The following BACH2 variants were observed in gnomAD, a reference collection of about 807,000 sequenced individuals.
BACH2 encodes transcription regulator protein BACH2.
A neutral mutation model predicts 61.8 loss-of-function variants in BACH2; 5 were observed. The observed-to-expected ratio is 0.08, with a 90% CI of 0.04 to 0.17. The LOEUF is 0.17. Ranked by LOEUF, BACH2 falls within the 10% of genes least tolerant of loss-of-function variation. BACH2 has a pLI of 1.00. For synonymous variants in BACH2, 446 were observed against 440.1 expected (o/e 1.01, Z -0.17); for missense variants, 824 against 1,091.1 (o/e 0.76, Z 3.45).
intron 3 of BACH2, among the ~76,000 whole-genome samples, chr6:90,245,179 A>C (rs1226171990): frequency 6.6e-6 from 1 of 152,060 alleles, no homozygotes; most frequent in Admixed American, 6.6e-5. Flanking sequence ...TGCCTGGGTG[A>C]CAGAGTGAGA....
chr6:90,167,208 G>A (rs924921189), intron 4 of BACH2, among the ~76,000 whole-genome samples: 3 of 152,188 alleles, frequency 2.0e-5, no homozygotes, highest in Admixed American at 1.3e-4. Flanking sequence ...GTAGAGTGAA[G>A]CTATGTGGTA....
In BACH2 at chr6:90,262,330, G is replaced by A. The variant is rs967889310; in HGVS notation, c.-353+9519C>T. Among the ~76,000 whole-genome samples the A allele has an allele frequency of 3.9e-5, 6 of 152,270 alleles. No homozygotes were observed. The South Asian group carries it at 6.2e-4, about 16-fold the overall frequency. On this transcript the variant is annotated intron_variant, in intron 2 of 8. Coordinates refer to ENST00000257749, the MANE Select transcript of BACH2 (RefSeq NM_021813.4). ...TGCATTCTTTCAATGTTTGGTTTGG[G>A]ATTCATTTGTACAGCGATGACTTTT...
At chr6:90,090,236 C>A (rs1782105764) in intron 4 of BACH2, among the ~76,000 whole-genome samples, 1 of 151,932 alleles carries the variant, frequency 6.6e-6, no homozygotes, top group Non-Finnish European at 1.5e-5. Context: ...GTATTTATTT[C>A]CCTCATTTTT....
At chr6:90,104,021 G>A (rs369682750) in intron 4 of BACH2, among the ~76,000 whole-genome samples, 11 of 152,078 alleles carry the variant, frequency 7.2e-5, no homozygotes, top group African/African-American at 2.7e-4. Context: ...GCAAAGAGGG[G>A]GCCAAATGCA....
chr6:89,950,855 C>T lies in BACH2; in HGVS notation c.1251G>A (p.Glu417=). The T allele has an allele frequency of 6.2e-7, 1 of 1,612,790 alleles. No individual in the cohort carries two copies. The highest frequency in any genetic ancestry group is 8.5e-7 in the Non-Finnish European group (1 of 1,179,236). The part of the protein sequence containing the change: ...MGSPLRGPGL[E]ALCKQEGELD... The stretch of plus-strand genomic sequence containing the variant: ...GCTCTCCCTCCTGTTTACAGAGAGC[C>T]TCCAACCCAGGCCCCCTGAGGGGCG... The change falls in exon 7 of 9, where the codon GAG becomes GAA. Residue 417 remains glutamate (E), a synonymous_variant. Coordinates refer to ENST00000257749, the MANE Select transcript of BACH2 (RefSeq NM_021813.4). This position sits in a 1 kb window ranked among gnomAD's most constrained non-coding sequence, Gnocchi z 5.3.
At chr6:90,076,497 C>T (rs1012164766) in intron 5 of BACH2, among the ~76,000 whole-genome samples, 3 of 152,110 alleles carry the variant, frequency 2.0e-5, no homozygotes, top group South Asian at 4.1e-4. Flanking sequence ...AACTAATTAG[C>T]GAAGGAGAAT....
intron 7 of BACH2, among the ~76,000 whole-genome samples, chr6:89,942,527 T>G (rs2128354834): frequency 6.6e-6 from 1 of 152,286 alleles, no homozygotes; most frequent in South Asian, 2.1e-4. Context: ...GGATCTCACT[T>G]CCCAGCAGTG....
At chr6:90,113,596 A>C (rs1479865821) in intron 4 of BACH2, among the ~76,000 whole-genome samples, 4 of 152,196 alleles carry the variant, frequency 2.6e-5, no homozygotes, top group Non-Finnish European at 2.9e-5. Context: ...CAGTGTTAAG[A>C]GGGAAATTCA....
chr6:90,151,584 T>C (rs1376866780), intron 4 of BACH2, among the ~76,000 whole-genome samples: 1 of 152,176 alleles, frequency 6.6e-6, no homozygotes, highest in Non-Finnish European at 1.5e-5. Flanking sequence ...AGCCACCACA[T>C]CTAGCCTCTG....
intron 4 of BACH2, among the ~76,000 whole-genome samples, chr6:90,161,616 CA>C (rs1257253841): frequency 1.3e-5 from 2 of 152,166 alleles, no homozygotes; most frequent in African/African-American, 4.8e-5. Context: ...GAAAGTCATT[CA>C]AGGTCTCACT....
chr6:90,157,638 T>C (rs984332485), intron 4 of BACH2, among the ~76,000 whole-genome samples: 8 of 152,096 alleles, frequency 5.3e-5, no homozygotes, highest in African/African-American at 1.4e-4. Context: ...CCAGATCTTG[T>C]ATATCTAACA....
chr6:90,229,189 T>G (rs1770011803), intron 3 of BACH2, among the ~76,000 whole-genome samples: 1 of 152,222 alleles, frequency 6.6e-6, no homozygotes, highest in South Asian at 2.1e-4. Flanking sequence ...GGCTGGGCGG[T>G]GGCTCACGCC....
chr6:90,018,254 C>A (rs1475632720), intron 5 of BACH2, among the ~76,000 whole-genome samples: 1 of 152,198 alleles, frequency 6.6e-6, no homozygotes, highest in Non-Finnish European at 1.5e-5. Flanking sequence ...CTCTGAAGAT[C>A]TCTGGAGTTC....
At chr6:90,154,545 G>A (rs945696652) in intron 4 of BACH2, among the ~76,000 whole-genome samples, 1 of 152,144 alleles carries the variant, frequency 6.6e-6, no homozygotes, top group Non-Finnish European at 1.5e-5. Context: ...AGAATAATGA[G>A]TGGTAGGTTC....
At chr6:90,081,604 G>A (rs1286984808) in intron 5 of BACH2, among the ~76,000 whole-genome samples, 1 of 152,142 alleles carries the variant, frequency 6.6e-6, no homozygotes, top group African/African-American at 2.4e-5. Context: ...GGACATGAAG[G>A]GATGCTCTCA....
At chr6:89,940,471 G>A (rs755602906) in intron 7 of BACH2, among the ~76,000 whole-genome samples, 6 of 152,198 alleles carry the variant, frequency 3.9e-5, no homozygotes, top group Non-Finnish European at 8.8e-5. Flanking sequence ...TCCCCTTCCC[G>A]AGGCTCTTGG....
intron 6 of BACH2, among the ~76,000 whole-genome samples, chr6:89,990,691 T>C (rs1468011621): frequency 1.3e-5 from 2 of 149,862 alleles, no homozygotes; most frequent in Non-Finnish European, 3.0e-5. Flanking sequence ...CACTGAGCCC[T>C]GTCCTAACTA....
At chr6:89,933,491 G>A (rs958875734) in intron 8 of BACH2, among the ~76,000 whole-genome samples, 7 of 152,108 alleles carry the variant, frequency 4.6e-5, no homozygotes, top group East Asian at 1.9e-4. Flanking sequence ...ACCATAGAAC[G>A]TGCAACACCG....
rs1360251317 is a variant in BACH2, at chr6:89,951,342, C to T, written c.764G>A (p.Ser255Asn). Residue 255 changes from serine (S) to asparagine (N), a missense_variant, in exon 7 of 9, where the codon AGC (serine) becomes AAC (asparagine). This residue lies in a region of BACH2 where 226 missense variants were observed against 228.5 expected (regional missense o/e 0.99). Coordinates refer to ENST00000257749, the MANE Select transcript of BACH2 (RefSeq NM_021813.4). This position sits in a 1 kb window ranked among gnomAD's most constrained non-coding sequence, Gnocchi z 6.4. The stretch of plus-strand genomic sequence containing the variant: ...GCTAGAGTTATCTTCCCGGAATGTG[C>T]TTGCAAAACCTGAGGTACTGTGTGA... The part of the protein sequence containing the change: ...ASSHSTSGFA[S>N]TFREDNSSNS... 6.2e-7 allele frequency: 1 copy of T among 1,614,208 alleles called. No individual in the cohort carries two copies.
Sources: allele counts gnomAD v4.1 joint callset (sites outside exome capture counted in the v4.1 genomes callset), GRCh38; gene constraint gnomAD v4.1.1; regional missense constraint gnomAD v4.1.1; non-coding constraint Gnocchi (gnomAD v3.1); transcripts MANE v1.5; gene names NCBI Gene and HGNC (gene_info 2026-07-23, HGNC 2026-07-21).